The following YBEY variants were observed in gnomAD, a reference collection of about 807,000 sequenced individuals.
The protein encoded by YBEY is ybeY metalloendoribonuclease, also known as endoribonuclease YbeY.
A neutral mutation model predicts 13.5 loss-of-function variants in YBEY; 15 were observed. The ratio of observed to expected loss-of-function variants is 1.11; its 90% confidence interval spans 0.75 to 1.72. The LOEUF is 1.72. YBEY is among the 40% of genes most tolerant of loss of function. The pLI is 0.00. For synonymous variants in YBEY, 101 were observed against 83.1 expected (o/e 1.21, Z -1.17); for missense variants, 244 against 208.4 (o/e 1.17, Z -1.05).
At chr21:46,292,143 G>A (rs1050513224) in intron 3 of YBEY, 1 of 152,366 alleles carries the variant, frequency 6.6e-6, no homozygotes, top group Non-Finnish European at 1.5e-5. Flanking sequence ...AGGTCCAGGT[G>A]GAGTCTGTAG....
At chr21:46,295,562 C>T (rs954742426) in intron 3 of YBEY, among the ~76,000 whole-genome samples, 1 of 152,096 alleles carries the variant, frequency 6.6e-6, no homozygotes, top group Non-Finnish European at 1.5e-5. Flanking sequence ...TAATCCAGCC[C>T]TCTCTCCAGG....
the YBEY span, among the ~76,000 whole-genome samples, chr21:46,308,431 A>C: frequency 6.6e-6 from 1 of 152,026 alleles, no homozygotes; most frequent in Non-Finnish European, 1.5e-5. Flanking sequence ...ACTGCACTCC[A>C]GCCTGGGCAA....
At position 46,296,241 on chromosome 21, in the gene YBEY, C is replaced by T. The variant is rs188310781; in HGVS notation, c.408+11C>T. On this transcript the variant is annotated intron_variant, in intron 4 of 4. Coordinates refer to ENST00000397701, the MANE Select transcript of YBEY (RefSeq NM_001314025.2). ...GCAGAGTGGCAGCAGGTAAGGAGCC[C>T]ATCCATCCCACTACCGAGGGGGTGC... The T allele has an allele frequency of 4.0e-5, 65 of 1,613,254 alleles. 1 individual carries two copies. The highest frequency in any genetic ancestry group is 5.3e-5 in the Non-Finnish European group (62 of 1,180,012).
the YBEY span, among the ~76,000 whole-genome samples, chr21:46,312,058 ACCACCCACCCATCCAT>A: frequency 1.7e-4 from 19 of 115,072 alleles, no homozygotes; most frequent in African/African-American, 6.3e-4. Flanking sequence ...CAACCAACCA[ACCACCCACCCATCCAT>A]CCACCCACCC....
chr21:46,301,929 G>T, downstream of YBEY: 1 of 1,399,250 alleles, frequency 7.1e-7, no homozygotes, highest in Non-Finnish European at 9.3e-7. Context: ...CCATAGTCCC[G>T]CCACAGCCCA....
Position 46,297,609 on chromosome 21 carries a change from C to A in YBEY, c.479C>A (p.Thr160Asn). ...RRTGTRLQPL[T>N]RGLFGGS The stretch of plus-strand genomic sequence containing the variant: ...ACGGGGACCCGGCTGCAGCCCCTGA[C>A]CCGGGGCCTCTTCGGAGGGAGCTGA... The change falls in exon 5 of 5, where the codon ACC becomes AAC. Residue 160 changes from threonine to asparagine, a missense_variant. By Grantham distance (65) the Thr-to-Asn change is moderately conservative. Transcript: ENST00000397701. 1 of 1,364,668 alleles carries A rather than the reference C, an allele frequency of 7.3e-7. No individual in the cohort carries two copies. Among genetic ancestry groups the A allele is most frequent in the Non-Finnish European group, 9.6e-7 (1 of 1,044,278 alleles). The allele number at this position is 1,364,668 out of a possible 1,614,324, so 84.5% of individuals were successfully genotyped here. A position where few individuals can be genotyped will look rare whatever the true frequency, so the allele number is the denominator to read the frequency against.
In YBEY at chr21:46,291,998, C is replaced by T. The variant is rs1193944898; in HGVS notation, c.339+536C>T. 8.5e-6 allele frequency: 3 copies of T among 351,832 alleles called. No homozygotes were observed. The East Asian group carries it at 5.0e-4, about 58-fold the overall frequency. 21.8% of individuals were successfully genotyped at this position (351,832 alleles called of 1,614,324 possible). ...GAGAACTCAGAGGCTACAGTTTCTA[C>T]AGGCAATTTGGCAGGCAGGGGCTAG... On this transcript the variant is annotated intron_variant, in intron 3 of 4. Coordinates refer to ENST00000397701, the MANE Select transcript of YBEY (RefSeq NM_001314025.2).
intron 3 of YBEY, among the ~76,000 whole-genome samples, chr21:46,295,344 C>T (rs984830557): frequency 1.3e-5 from 2 of 151,910 alleles, no homozygotes; most frequent in African/African-American, 4.8e-5. Flanking sequence ...AGGCACCTCC[C>T]GCCAGCCCCA....
Position 46,287,081 on chromosome 21 carries a change from T to C in YBEY, c.168T>C (p.Asp56=). 2.5e-6 allele frequency: 4 copies of C among 1,612,902 alleles called. No individual in the cohort carries two copies. Among genetic ancestry groups the C allele is most frequent in the Non-Finnish European group, 3.4e-6 (4 of 1,179,734 alleles). ...AGCACATTAATAGAATCTACAGAGA[T>C]AGAAATGTCCCAACCGATGTGCTTT... ...NIQHINRIYR[D]RNVPTDVLSF... Residue 56 remains aspartate (D), a synonymous_variant, in exon 2 of 5, where the codon GAT becomes GAC. Transcript: ENST00000397701.
the YBEY span, among the ~76,000 whole-genome samples, chr21:46,303,404 C>T: frequency 2.0e-5 from 3 of 151,512 alleles, no homozygotes; most frequent in African/African-American, 7.3e-5. Flanking sequence ...AAAAGGCAAC[C>T]ACAAGAAGGA....
chr21:46,312,980 G>T, the YBEY span: 7 of 985,178 alleles, frequency 7.1e-6, no homozygotes, highest in Admixed American at 1.2e-4. Context: ...AGCATGAAAG[G>T]CCTTCTGTTT....
In YBEY at chr21:46,294,695, C is replaced by G. The variant is rs528571894; in HGVS notation, c.340-1467C>G. ...ACCCGTGCCCGGGACTCAGTGGAGT[C>G]AGCCACCCCAGACCTCTCTCACTGT... On this transcript the variant is annotated intron_variant, in intron 3 of 4. Coordinates refer to ENST00000397701, the MANE Select transcript of YBEY (RefSeq NM_001314025.2). Among the ~76,000 whole-genome samples the G allele has an allele frequency of 7.2e-5, 11 of 151,874 alleles. 3 individuals are homozygous for G. The highest frequency in any genetic ancestry group is 2.7e-4 in the African/African-American group (11 of 41,236).
Position 46,297,699 on chromosome 21 carries a change from C to A in YBEY, c.*65C>A. The A allele has an allele frequency of 2.4e-6, 3 of 1,269,058 alleles. No homozygotes were observed. The highest frequency in any genetic ancestry group is 3.0e-6 in the Non-Finnish European group (3 of 997,362). The allele number at this position is 1,269,058 out of a possible 1,614,324, so 78.6% of individuals were successfully genotyped here. On this transcript the variant is annotated 3_prime_UTR_variant, in exon 5 of 5. Transcript: ENST00000397701. ...GAGGCTGCGGGGAGCCGGGGTCGCA[C>A]ACGAATAAATAACGAATGAACGTAC...
Position 46,287,874 on chromosome 21 carries a change from T to G in YBEY, c.210+751T>G, listed in dbSNP as rs1310957865. ...GGGTGTGGTTGTGCCGGGCGGGAGG[T>G]GGAGGGGGGCACCTATAATCCTAGC... On this transcript the variant is annotated intron_variant, in intron 2 of 4. Coordinates refer to ENST00000397701, the MANE Select transcript of YBEY (RefSeq NM_001314025.2). 3.3e-5 allele frequency among the ~76,000 whole-genome samples: 5 copies of G among 150,856 alleles called. No individual in the cohort carries two copies. In the East Asian group the frequency reaches 9.8e-4, roughly 30 times the overall value.
At chr21:46,303,746 T>TATATATATATATA in the YBEY span, among the ~76,000 whole-genome samples, 18 of 12,046 alleles carry the variant, frequency 1.5e-3, no homozygotes, top group Admixed American at 3.3e-3. Context: ...TATATATATA[T>TATATATATATATA]TTTTTTTTTT....
Position 46,286,999 on chromosome 21 carries a change from T to G in YBEY, c.86T>G (p.Ile29Ser). Reference protein sequence around the residue: ...LRSKIEIVRRILGVQKFDLGI... With the variant: ...LRSKIEIVRRSLGVQKFDLGI... ...AGTAAGATCGAGATTGTAAGGAGGA[T>G]TTTAGGAGTGCAGAAATTTGACCTG... is the stretch of plus-strand genomic sequence containing the variant. Residue 29 changes from isoleucine to serine, a missense_variant, in exon 2 of 5, where the codon ATT becomes AGT. Physicochemically the swap from Ile to Ser is moderately radical, Grantham distance 142 (BLOSUM62 -2). Transcript: ENST00000397701. 6.2e-7 allele frequency: 1 copy of G among 1,614,000 alleles called. No homozygotes were observed. Among genetic ancestry groups the G allele is most frequent in the Non-Finnish European group, 8.5e-7 (1 of 1,180,014 alleles).
downstream of YBEY, chr21:46,297,837 T>C: frequency 1.7e-6 from 2 of 1,160,840 alleles, no homozygotes; most frequent in Non-Finnish European, 2.2e-6. Flanking sequence ...AGGGAACGCG[T>C]GGCCCCCGCC....
rs187009504 is a variant in YBEY, at chr21:46,292,534, G to C, written c.339+1072G>C. 3.4e-4 allele frequency among the ~76,000 whole-genome samples: 51 copies of C among 151,200 alleles called. No homozygotes were observed. In the East Asian group the frequency reaches 8.2e-3, roughly 24 times the overall value. ...CCCGTGGTTAGCTTGGCCTGTGCCC[G>C]GGACTGAGTGGGGACAGCCACGCAA... On this transcript the variant is annotated intron_variant, in intron 3 of 4. Transcript: ENST00000397701.
chr21:46,287,000 T>A lies in YBEY; in HGVS notation c.87T>A (p.Ile29=), dbSNP rs917459391. Residue 29 remains isoleucine (I), a synonymous_variant, in exon 2 of 5, where the codon ATT becomes ATA. Coordinates refer to ENST00000397701, the MANE Select transcript of YBEY (RefSeq NM_001314025.2). ...LRSKIEIVRR[I]LGVQKFDLGI... Reference sequence around the variant, plus strand: ...GTAAGATCGAGATTGTAAGGAGGATTTTAGGAGTGCAGAAATTTGACCTGG... The same window carrying A: ...GTAAGATCGAGATTGTAAGGAGGATATTAGGAGTGCAGAAATTTGACCTGG... The A allele has an allele frequency of 1.2e-5, 20 of 1,613,924 alleles. No individual in the cohort carries two copies. In the East Asian group the frequency reaches 4.5e-4, roughly 36 times the overall value.
Sources: gnomAD v4.1 joint callset for allele counts (sites outside exome capture counted in the v4.1 genomes callset) on GRCh38, gnomAD v4.1.1 for gene constraint, MANE v1.5 for transcripts, NCBI Gene and HGNC (gene_info 2026-07-23, HGNC 2026-07-21) for gene names.